The following WNK1 variants were observed in gnomAD, a reference collection of about 807,000 sequenced individuals.
WNK1 encodes the protein serine/threonine-protein kinase WNK1.
In WNK1, 38 loss-of-function variants were observed where a neutral mutation model predicts 222.8. The ratio of observed to expected loss-of-function variants is 0.17; its 90% confidence interval spans 0.13 to 0.22. WNK1 has a LOEUF of 0.22. Among genes scored for constraint, WNK1 ranks in the 10% least tolerant of loss-of-function variants. WNK1 has a pLI of 1.00. For synonymous variants in WNK1, 1,090 were observed against 1,092.9 expected (o/e 1.00, Z 0.05); for missense variants, 2,348 against 2,918.4 (o/e 0.80, Z 4.50).
intron 22 of WNK1, among the ~76,000 whole-genome samples, chr12:891,044 TATC>T (rs1954175919): frequency 6.6e-6 from 1 of 152,058 alleles, no homozygotes; most frequent in South Asian, 2.1e-4. Context: ...ATATGTAGAG[TATC>T]AAGTATGTAC....
rs1565377381 is a variant in WNK1, at chr12:754,039, C to CAGT, written c.476_478dup (p.Ser159dup). The CAGT allele has an allele frequency of 6.3e-7, 1 of 1,594,292 alleles. No homozygotes were observed. Among genetic ancestry groups the CAGT allele is most frequent in the Non-Finnish European group, 8.5e-7 (1 of 1,170,758 alleles). ...GCCCTGCCCCCTCGACTGTCCCCAG[C>CAGT]AGTACCAGCAAAGACCGCCCAGTGT... On this transcript the variant is annotated inframe_insertion, in exon 1 of 28. Coordinates refer to ENST00000315939, the MANE Select transcript of WNK1 (RefSeq NM_018979.4).
chr12:753,193 G>C lies in WNK1; in HGVS notation c.-373G>C, dbSNP rs926467368. 5.6e-6 allele frequency: 1 copy of C among 178,894 alleles called. No individual in the cohort carries two copies. The highest frequency in any genetic ancestry group is 1.7e-4 in the South Asian group (1 of 5,984). The allele number at this position is 178,894 out of a possible 1,614,324, so 11.1% of individuals were successfully genotyped here. ...GAGCCGCGTCCGCCGCATCCGCCTC[G>C]ACTCGGTGCCGGCCCCTGGCCCTCC... On this transcript the variant is annotated 5_prime_UTR_variant, in exon 1 of 28. Transcript: ENST00000315939. This position sits in a 1 kb window ranked among gnomAD's most constrained non-coding sequence, Gnocchi z 5.2.
rs748242620 is a variant in WNK1, at chr12:859,342, A to C, written c.1498A>C (p.Ile500Leu). 1 of 1,613,160 alleles carries C rather than the reference A, an allele frequency of 6.2e-7. No homozygotes were observed. The highest frequency in any genetic ancestry group is 1.3e-5 in the African/African-American group (1 of 74,900). ...AEEDDGEKIA[I>L]KLWLRIEDIK... Reference sequence around the variant, plus strand: ...AGAAGATGATGGAGAAAAAATAGCCATAAAATTATGGCTACGTATTGAAGA... The same window carrying C: ...AGAAGATGATGGAGAAAAAATAGCCCTAAAATTATGGCTACGTATTGAAGA... Residue 500 changes from isoleucine (I) to leucine (L), a missense_variant, in exon 6 of 28, where the codon ATA (isoleucine) becomes CTA (leucine). Ile to Leu is a conservative substitution (Grantham distance 5). Coordinates refer to ENST00000315939, the MANE Select transcript of WNK1 (RefSeq NM_018979.4).
intron 4 of WNK1, among the ~76,000 whole-genome samples, chr12:839,363 C>T (rs1002206421): frequency 6.6e-6 from 1 of 152,136 alleles, no homozygotes; most frequent in African/African-American, 2.4e-5. Context: ...AAGATTATTT[C>T]TGACTGCAGA....
intron 5 of WNK1, among the ~76,000 whole-genome samples, chr12:858,627 G>A (rs909654967): frequency 1.3e-5 from 2 of 152,126 alleles, no homozygotes; most frequent in Non-Finnish European, 2.9e-5. Context: ...ACTTACTGGT[G>A]TAAATAAAGC....
At chr12:829,009 G>A (rs1948590272) in intron 3 of WNK1, among the ~76,000 whole-genome samples, 1 of 152,178 alleles carries the variant, frequency 6.6e-6, no homozygotes, top group Non-Finnish European at 1.5e-5. Flanking sequence ...TTCACAAGAA[G>A]AATGGGAAAA....
chr12:894,492 C>A, intron 22 of WNK1, 70 bp from the exon 23 acceptor site: 1 of 1,348,626 alleles, frequency 7.4e-7, no homozygotes, highest in Non-Finnish European at 1.1e-6. Flanking sequence ...TGCTGTATTT[C>A]TAGCTAAAGG....
intron 4 of WNK1, among the ~76,000 whole-genome samples, chr12:837,195 A>G: frequency 6.6e-6 from 1 of 152,256 alleles, no homozygotes; most frequent in Admixed American, 6.5e-5. Context: ...TACAGAAACC[A>G]GATGTGAGGT....
At chr12:855,527 G>A (rs1250197362) in intron 4 of WNK1, among the ~76,000 whole-genome samples, 1 of 152,164 alleles carries the variant, frequency 6.6e-6, no homozygotes, top group African/African-American at 2.4e-5. Context: ...ATGCATTTCT[G>A]TGATTTATTA....
intron 26 of WNK1, chr12:900,934 G>A: frequency 3.9e-6 from 2 of 509,544 alleles, no homozygotes; most frequent in South Asian, 4.1e-5. Flanking sequence ...GCTCATTTGG[G>A]ATTTGGAACT....
chr12:786,425 G>T (rs1944310380), intron 1 of WNK1, among the ~76,000 whole-genome samples: 1 of 148,532 alleles, frequency 6.7e-6, no homozygotes. Flanking sequence ...TTTTTATATT[G>T]TCATTCTTTT....
chr12:823,094 A>C (rs928085999), intron 2 of WNK1, among the ~76,000 whole-genome samples: 1 of 152,104 alleles, frequency 6.6e-6, no homozygotes, highest in Non-Finnish European at 1.5e-5. Context: ...TTAGCACTTT[A>C]AATATGTCAT....
At chr12:843,182 C>A (rs1949761620) in intron 4 of WNK1, among the ~76,000 whole-genome samples, 1 of 152,118 alleles carries the variant, frequency 6.6e-6, no homozygotes, top group Non-Finnish European at 1.5e-5. Flanking sequence ...AGTGATCCAC[C>A]CACCTTGGCC....
intron 4 of WNK1, among the ~76,000 whole-genome samples, chr12:848,908 C>T (rs931804859): frequency 6.6e-6 from 1 of 152,106 alleles, no homozygotes; most frequent in African/African-American, 2.4e-5. Context: ...CCTCAAGCCC[C>T]CCAAAGCCCC....
chr12:879,459 T>G (rs2154080049), intron 10 of WNK1, 114 bp from the exon 11 acceptor site: 2 of 597,252 alleles, frequency 3.3e-6, no homozygotes, highest in East Asian at 3.5e-5. Flanking sequence ...TTTTTTTTTG[T>G]TTGTTTTTTC....
chr12:794,205 T>C (rs1361987807), intron 1 of WNK1, among the ~76,000 whole-genome samples: 1 of 152,232 alleles, frequency 6.6e-6, no homozygotes, highest in Non-Finnish European at 1.5e-5. Flanking sequence ...TTATGAATAA[T>C]GCTGCTATAA....
intron 4 of WNK1, among the ~76,000 whole-genome samples, chr12:850,688 T>A (rs1950357741): frequency 6.6e-6 from 1 of 152,214 alleles, no homozygotes; most frequent in African/African-American, 2.4e-5. Context: ...TCTTCTAGGG[T>A]TTTTATGGTT....
chr12:829,939 A>G, intron 3 of WNK1, 64 bp from the exon 4 acceptor site: 1 of 1,585,768 alleles, frequency 6.3e-7, no homozygotes, highest in Non-Finnish European at 8.7e-7. Context: ...TCTGCTTCTC[A>G]CCCCGGTGAG....
intron 27 of WNK1, 63 bp downstream of exon 27, chr12:908,097 A>G (rs1380087160): frequency 3.2e-6 from 5 of 1,577,352 alleles, no homozygotes; most frequent in South Asian, 2.2e-5. Flanking sequence ...GATAGAAACA[A>G]CTAAGCTGCT....
Sources: allele counts gnomAD v4.1 joint callset (sites outside exome capture counted in the v4.1 genomes callset), GRCh38; gene constraint gnomAD v4.1.1; non-coding constraint Gnocchi (gnomAD v3.1); transcripts MANE v1.5; gene names NCBI Gene and HGNC (gene_info 2026-07-23, HGNC 2026-07-21).